SLIT3: variants seen among roughly 807,000 people sequenced by gnomAD.
The protein encoded by SLIT3 is slit homolog 3 protein.
A neutral mutation model predicts 184.0 loss-of-function variants in SLIT3; 68 were observed. The ratio of observed to expected loss-of-function variants is 0.37; its 90% CI spans 0.30 to 0.45. SLIT3 has a LOEUF of 0.45. SLIT3 is among the 20% of genes least tolerant of loss of function. The pLI, the probability that SLIT3 is intolerant of heterozygous loss-of-function variation, is 1.00. For missense variants in SLIT3, 1,707 were observed against 2,026.0 expected (o/e 0.84, Z 3.02); for synonymous variants, 831 against 828.6 (o/e 1.00, Z -0.05).
intron 4 of SLIT3, among the ~76,000 whole-genome samples, chr5:169,006,601 TCTCTCA>T (rs1226198075): frequency 5.4e-5 from 8 of 149,188 alleles, no homozygotes; most frequent in East Asian, 2.0e-4. Flanking sequence ...TCTCTCTCTC[TCTCTCA>T]CACACACACA....
chr5:169,294,745 A>G (rs968943643), intron 1 of SLIT3, among the ~76,000 whole-genome samples: 1 of 152,214 alleles, frequency 6.6e-6, no homozygotes, highest in Non-Finnish European at 1.5e-5. Flanking sequence ...AACCTCATAG[A>G]GTGCACTCAC....
At chr5:168,758,222 G>T (rs2113493301) in intron 16 of SLIT3, among the ~76,000 whole-genome samples, 1 of 152,294 alleles carries the variant, frequency 6.6e-6, no homozygotes, top group Non-Finnish European at 1.5e-5. Flanking sequence ...CTTATCATGT[G>T]TTTGTGCTGT....
At chr5:168,914,395 A>G (rs1761367266) in intron 4 of SLIT3, among the ~76,000 whole-genome samples, 1 of 152,234 alleles carries the variant, frequency 6.6e-6, no homozygotes, top group Admixed American at 6.5e-5. Context: ...GGAAGATTAA[A>G]TCATGGTCAG....
chr5:168,919,905 A>G (rs1177768140), intron 4 of SLIT3, among the ~76,000 whole-genome samples: 1 of 152,180 alleles, frequency 6.6e-6, no homozygotes, highest in Admixed American at 6.5e-5. Context: ...TGTACACTCA[A>G]TTTGATATTA....
intron 4 of SLIT3, among the ~76,000 whole-genome samples, chr5:168,986,067 A>G (rs1016714241): frequency 6.6e-6 from 1 of 152,208 alleles, no homozygotes; most frequent in African/African-American, 2.4e-5. Context: ...AATGCCTTCT[A>G]TAAGGGGCTG....
chr5:168,875,247 G>C (rs972141229), intron 5 of SLIT3, among the ~76,000 whole-genome samples: 3 of 150,440 alleles, frequency 2.0e-5, no homozygotes, highest in African/African-American at 7.4e-5. Context: ...GGGAGGAAGA[G>C]AGAGGGAAGA....
chr5:168,671,056 A>T, intron 34 of SLIT3, 142 bp downstream of exon 34: 1 of 908,742 alleles, frequency 1.1e-6, no homozygotes, highest in Non-Finnish European at 1.6e-6. Flanking sequence ...TTGACCTCTT[A>T]AGCAGTTACA....
chr5:169,225,728 G>C (rs929517835), intron 3 of SLIT3, among the ~76,000 whole-genome samples: 1 of 152,224 alleles, frequency 6.6e-6, no homozygotes, highest in African/African-American at 2.4e-5. Context: ...TGGGCGGCAG[G>C]GGGTGATTTC....
intron 4 of SLIT3, among the ~76,000 whole-genome samples, chr5:169,126,481 A>G (rs1761084920): frequency 6.6e-6 from 1 of 152,208 alleles, no homozygotes; most frequent in African/African-American, 2.4e-5. Flanking sequence ...CATAAGAGAA[A>G]TGTCTTTGAT....
chr5:169,094,345 C>T (rs1280942530), intron 4 of SLIT3, among the ~76,000 whole-genome samples: 1 of 152,132 alleles, frequency 6.6e-6, no homozygotes, highest in African/African-American at 2.4e-5. Context: ...AGCTATAGCC[C>T]AGGCCAGGTG....
At chr5:168,759,547 C>A (rs1755067983) in intron 16 of SLIT3, among the ~76,000 whole-genome samples, 1 of 152,168 alleles carries the variant, frequency 6.6e-6, no homozygotes, top group South Asian at 2.1e-4. Flanking sequence ...ACAAAAACCA[C>A]AAACATGCAA....
intron 7 of SLIT3, among the ~76,000 whole-genome samples, chr5:168,818,976 T>G (rs574259916): frequency 2.6e-5 from 4 of 152,252 alleles, no homozygotes; most frequent in Admixed American, 2.6e-4. Context: ...AAGACTTTTA[T>G]GATTTTGTTT....
At chr5:168,903,948 A>T (rs1760958668) in intron 4 of SLIT3, among the ~76,000 whole-genome samples, 1 of 152,160 alleles carries the variant, frequency 6.6e-6, no homozygotes, top group African/African-American at 2.4e-5. Context: ...TGACAGGGGA[A>T]CTGAGTTTGT....
At chr5:168,811,018 T>C (rs1757140770) in intron 8 of SLIT3, among the ~76,000 whole-genome samples, 1 of 152,104 alleles carries the variant, frequency 6.6e-6, no homozygotes, top group South Asian at 2.1e-4. Flanking sequence ...CCAGCCACAT[T>C]GTTCTTCTCC....
intron 4 of SLIT3, chr5:169,023,775 G>A (rs1386134544): frequency 6.6e-6 from 1 of 152,224 alleles, no homozygotes; most frequent in African/African-American, 2.4e-5. Flanking sequence ...GTGGGTGGGA[G>A]TGGGGCACAG....
intron 4 of SLIT3, among the ~76,000 whole-genome samples, chr5:169,028,166 C>T (rs748528644): frequency 1.6e-4 from 24 of 151,986 alleles, no homozygotes; most frequent in Admixed American, 8.5e-4. Context: ...AATTGTAAAC[C>T]TTGTGACCAC....
intron 3 of SLIT3, among the ~76,000 whole-genome samples, chr5:169,219,727 A>G (rs573839405): frequency 1.3e-5 from 2 of 152,354 alleles, no homozygotes; most frequent in East Asian, 3.9e-4. Context: ...CGGGGTGTCT[A>G]TTCCTATCCT....
intron 2 of SLIT3, among the ~76,000 whole-genome samples, chr5:169,248,263 A>C (rs1713859813): frequency 6.6e-6 from 1 of 152,028 alleles, no homozygotes. Flanking sequence ...ATAAGTCTTT[A>C]CTTCGCTCTC....
intron 4 of SLIT3, among the ~76,000 whole-genome samples, chr5:169,106,241 G>T (rs13169569): frequency 0.59 from 89,144 of 151,980 alleles, 27,028 homozygotes; most frequent in Non-Finnish European, 0.66. Context: ...TCAGAGATCA[G>T]AATGCAGAAG....
Sources: gnomAD v4.1 joint callset for allele counts (sites outside exome capture counted in the v4.1 genomes callset) on GRCh38, gnomAD v4.1.1 for gene constraint, MANE v1.5 for transcripts, NCBI Gene and HGNC (gene_info 2026-07-23, HGNC 2026-07-21) for gene names.